The following SLC15A5 variants were observed in gnomAD, a reference collection of about 807,000 sequenced individuals.
The protein encoded by SLC15A5 is solute carrier family 15 member 5.
SLC15A5 carries 58 observed loss-of-function variants against 56.1 expected under a neutral mutation model. The ratio of observed to expected loss-of-function variants is 1.03; its 90% CI spans 0.84 to 1.29. The LOEUF is 1.29. Ranked by LOEUF, SLC15A5 falls within the 50% of genes most tolerant of loss-of-function variation. SLC15A5 has a pLI of 0.00. For missense variants in SLC15A5, 681 were observed against 672.1 expected, an observed-to-expected ratio of 1.01 and a Z score of -0.15; for synonymous variants, 264 against 250.5, an observed-to-expected ratio of 1.05 and a Z score of -0.51.
Position 16,196,150 on chromosome 12 carries a change from C to CA in SLC15A5, c.1484-1698dup, listed in dbSNP as rs1863892752. ...TAGGGATTATTTGGCAAAATAATAC[C>CA]AAAATAGGTATTATGATAGGTATAA... is the stretch of plus-strand genomic sequence containing the variant. On this transcript the variant is annotated intron_variant, in intron 7 of 8. Transcript: ENST00000344941. This position sits in a 1 kb window ranked among gnomAD's most constrained non-coding sequence, Gnocchi z 4.0. 6.6e-6 allele frequency among the ~76,000 whole-genome samples: 1 copy of CA among 151,738 alleles called. No homozygotes were observed. The highest frequency in any genetic ancestry group is 2.4e-5 in the African/African-American group (1 of 41,306).
chr12:16,229,407 T>A (rs2136251724), intron 5 of SLC15A5, among the ~76,000 whole-genome samples: 1 of 152,310 alleles, frequency 6.6e-6, no homozygotes, highest in South Asian at 2.1e-4. Context: ...AACCATCCTG[T>A]CTAATGCCTC....
intron 5 of SLC15A5, among the ~76,000 whole-genome samples, chr12:16,224,994 T>TA (rs1864226882): frequency 6.6e-6 from 1 of 151,864 alleles, no homozygotes; most frequent in African/African-American, 2.4e-5. Flanking sequence ...TTTTTGTCCT[T>TA]ATGATAGTTT....
intron 3 of SLC15A5, among the ~76,000 whole-genome samples, chr12:16,250,472 G>T (rs1043717472): frequency 6.6e-6 from 1 of 151,928 alleles, no homozygotes; most frequent in Non-Finnish European, 1.5e-5. Context: ...ACTATTGGTA[G>T]TAGCTGTATA....
At chr12:16,263,888 A>G (rs1346070958) in intron 2 of SLC15A5, among the ~76,000 whole-genome samples, 1 of 152,210 alleles carries the variant, frequency 6.6e-6, no homozygotes, top group Non-Finnish European at 1.5e-5. Flanking sequence ...AGGTTTCAGA[A>G]GATGTATGGA....
At chr12:16,233,843 A>G (rs1225923461) in intron 5 of SLC15A5, among the ~76,000 whole-genome samples, 1 of 152,200 alleles carries the variant, frequency 6.6e-6, no homozygotes, top group Non-Finnish European at 1.5e-5. Flanking sequence ...CTAGGTCTCT[A>G]GATGATTCTT....
At chr12:16,208,507 A>G (rs1046218830) in intron 7 of SLC15A5, among the ~76,000 whole-genome samples, 17 of 152,066 alleles carry the variant, frequency 1.1e-4, no homozygotes, top group Non-Finnish European at 4.4e-5. Context: ...CCACATCTCT[A>G]AAACAATGCA....
At chr12:16,232,169 GT>G (rs1565665237) in intron 5 of SLC15A5, among the ~76,000 whole-genome samples, 1 of 152,126 alleles carries the variant, frequency 6.6e-6, no homozygotes. Flanking sequence ...TCAATAATAA[GT>G]AGCTATGAAA....
At chr12:16,217,707 T>A (rs1354197571) in intron 6 of SLC15A5, among the ~76,000 whole-genome samples, 6 of 152,118 alleles carry the variant, frequency 3.9e-5, no homozygotes, top group Non-Finnish European at 8.8e-5. Flanking sequence ...AGTATTAATC[T>A]TATCAAATTG....
intron 3 of SLC15A5, among the ~76,000 whole-genome samples, chr12:16,251,683 C>T (rs1468267650): frequency 6.6e-6 from 1 of 151,714 alleles, no homozygotes; most frequent in African/African-American, 2.4e-5. Context: ...TAATCAAAAA[C>T]CCCCTAACAA....
chr12:16,208,326 C>T (rs1475392430), intron 7 of SLC15A5, among the ~76,000 whole-genome samples: 1 of 152,174 alleles, frequency 6.6e-6, no homozygotes, highest in Non-Finnish European at 1.5e-5. Context: ...GCATTTTTAA[C>T]TTCTCCATTT....
chr12:16,231,439 A>G (rs572268402), intron 5 of SLC15A5, among the ~76,000 whole-genome samples: 3 of 152,348 alleles, frequency 2.0e-5, no homozygotes, highest in South Asian at 4.1e-4. Context: ...TGAGGGAGCT[A>G]CAATCTAAAC....
In SLC15A5 at chr12:16,271,091, A is replaced by G. The variant is rs1864749677; in HGVS notation, c.584+1470T>C. The stretch of plus-strand genomic sequence containing the variant: ...CATCCTAAATTTGGCCTGGTTCCTT[A>G]CAGCTGCAGAAATTCATTTTCACCC... On this transcript the variant is annotated intron_variant, in intron 2 of 8. Transcript: ENST00000344941. This position sits in a 1 kb window ranked among gnomAD's most constrained non-coding sequence, Gnocchi z 8.0. Among the ~76,000 whole-genome samples, 1 of 152,148 alleles carries G rather than the reference A, an allele frequency of 6.6e-6. No homozygotes were observed. Among genetic ancestry groups the G allele is most frequent in the African/African-American group, 2.4e-5 (1 of 41,448 alleles).
chr12:16,272,728 A>G lies in SLC15A5; in HGVS notation c.417T>C (p.Thr139=). 1 of 1,537,286 alleles carries G rather than the reference A, an allele frequency of 6.5e-7. No individual in the cohort carries two copies. The highest frequency in any genetic ancestry group is 1.2e-5 in the South Asian group (1 of 84,058). The change falls in exon 2 of 9, where the codon ACT becomes ACC. Residue 139 remains threonine, a synonymous_variant. Coordinates refer to ENST00000344941, the MANE Select transcript of SLC15A5 (RefSeq NM_001170798.1). ...AFPLEDFYLG[T]YHAVNNIPKT... is the part of the protein sequence containing the mutation. ...TTGGTATGTTGTTAACTGCATGGTA[A>G]GTGCCCAGATAGAAATCTTCCAAGG...
chr12:16,190,752 C>T (rs1229135610), intron 8 of SLC15A5, among the ~76,000 whole-genome samples: 1 of 152,080 alleles, frequency 6.6e-6, no homozygotes, highest in Non-Finnish European at 1.5e-5. Flanking sequence ...ATAACTGTAA[C>T]TGTAACTCTA....
intron 7 of SLC15A5, among the ~76,000 whole-genome samples, chr12:16,212,572 A>G (rs183739190): frequency 6.6e-6 from 1 of 152,310 alleles, no homozygotes; most frequent in East Asian, 1.9e-4. Context: ...ATGGAGAAGT[A>G]TGTGGGCTGA....
rs1392597422 is a variant in SLC15A5 at position 16,189,497 on chromosome 12, G to A, written c.*171C>T. On this transcript the variant is annotated 3_prime_UTR_variant, in exon 9 of 9. Coordinates refer to ENST00000344941, the MANE Select transcript of SLC15A5 (RefSeq NM_001170798.1). ...CTATAACATGTTAATGCAAAAGCAT[G>A]ACAGTTTACTAGAAAATTCATAATT... The A allele has an allele frequency of 2.1e-6, 1 of 471,766 alleles. No homozygotes were observed. The highest frequency in any genetic ancestry group is 3.4e-6 in the Non-Finnish European group (1 of 293,822). The allele number at this position is 471,766 out of a possible 1,614,324, so 29.2% of individuals were successfully genotyped here. A position where few individuals can be genotyped will look rare whatever the true frequency, so the allele number is the denominator to read the frequency against.
At chr12:16,217,564 A>G (rs1864142370) in intron 6 of SLC15A5, among the ~76,000 whole-genome samples, 1 of 152,156 alleles carries the variant, frequency 6.6e-6, no homozygotes, top group African/African-American at 2.4e-5. Context: ...GTCCTCCTCT[A>G]TGAAATGGGA....
chr12:16,241,549 C>G (rs1481636798), intron 4 of SLC15A5, among the ~76,000 whole-genome samples: 1 of 152,096 alleles, frequency 6.6e-6, no homozygotes, highest in Non-Finnish European at 1.5e-5. Flanking sequence ...TTAATTTGAC[C>G]CTTAGCATAG....
intron 5 of SLC15A5, among the ~76,000 whole-genome samples, chr12:16,232,988 G>A (rs1210468202): frequency 2.6e-5 from 4 of 151,390 alleles, no homozygotes; most frequent in South Asian, 4.2e-4. Context: ...AAGAGAGGGA[G>A]GGAGGGAGGG....
Sources: allele counts gnomAD v4.1 joint callset (sites outside exome capture counted in the v4.1 genomes callset), GRCh38; gene constraint gnomAD v4.1.1; non-coding constraint Gnocchi (gnomAD v3.1); transcripts MANE v1.5; gene names NCBI Gene and HGNC (gene_info 2026-07-23, HGNC 2026-07-21).